The following CLUL1 variants were observed in gnomAD, a reference collection of about 807,000 sequenced individuals.
CLUL1 encodes the protein clusterin like 1, also known as clusterin-like protein 1.
CLUL1 carries 43 observed loss-of-function variants against 49.4 expected under a neutral mutation model. The ratio of observed to expected loss-of-function variants is 0.87; its 90% CI spans 0.68 to 1.12. CLUL1 has a LOEUF of 1.12. Among genes scored for constraint, CLUL1 ranks in the 50% most tolerant of loss-of-function variants. CLUL1 has a pLI of 0.00. For missense variants in CLUL1, 486 were observed against 544.4 expected (o/e 0.89, Z 1.07); for synonymous variants, 192 against 184.9 (o/e 1.04, Z -0.31).
chr18:629,366 A>C (rs1430471479), intron 6 of CLUL1, among the ~76,000 whole-genome samples: 1 of 152,224 alleles, frequency 6.6e-6, no homozygotes, highest in Non-Finnish European at 1.5e-5. Flanking sequence ...AACACTGAGA[A>C]TATGTTCATT....
chr18:607,601 A>T (rs1402778891), intron 2 of CLUL1, among the ~76,000 whole-genome samples: 2 of 151,606 alleles, frequency 1.3e-5, no homozygotes, highest in African/African-American at 2.4e-5. Flanking sequence ...ATTTTTTAAA[A>T]TTTTTTTGTA....
At chr18:615,065 CT>C (rs2073249985) in intron 2 of CLUL1, among the ~76,000 whole-genome samples, 1 of 152,212 alleles carries the variant, frequency 6.6e-6, no homozygotes, top group Non-Finnish European at 1.5e-5. Flanking sequence ...CTCTTGCCAT[CT>C]TTCTTAATTA....
chr18:637,490 T>C (rs2074180478), intron 7 of CLUL1, among the ~76,000 whole-genome samples: 1 of 152,200 alleles, frequency 6.6e-6, no homozygotes, highest in Non-Finnish European at 1.5e-5. Flanking sequence ...AATGGACTTG[T>C]TTACTTCTCC....
intron 2 of CLUL1, among the ~76,000 whole-genome samples, chr18:617,545 A>G (rs1325565093): frequency 6.8e-6 from 1 of 147,178 alleles, no homozygotes; most frequent in Non-Finnish European, 1.5e-5. Context: ...CGGTGGGCCG[A>G]GATCACGCCA....
intron 6 of CLUL1, 138 bp downstream of exon 6, chr18:627,667 C>T (rs1208195923): frequency 2.2e-5 from 14 of 637,612 alleles, no homozygotes; most frequent in Non-Finnish European, 3.5e-5. Context: ...TGTTTCAGAG[C>T]CTCTTAAAAG....
At chr18:607,657 G>A (rs935558373) in intron 2 of CLUL1, among the ~76,000 whole-genome samples, 1 of 151,636 alleles carries the variant, frequency 6.6e-6, no homozygotes, top group Non-Finnish European at 1.5e-5. Context: ...CAAACTCCTG[G>A]GCTCCAGTGA....
At chr18:616,722 A>C (rs2073303585) in intron 2 of CLUL1, 1 of 984,202 alleles carries the variant, frequency 1.0e-6, no homozygotes, top group South Asian at 4.7e-5. Context: ...GTCCTTCCAG[A>C]AGCTGGTGGC....
At chr18:624,783 A>G (rs495688) in intron 4 of CLUL1, 82 bp from the exon 5 acceptor site, 1,353,756 of 1,355,306 alleles carry the variant, frequency 1, 676,117 homozygotes, top group East Asian at 1. Flanking sequence ...TTTAGAATGT[A>G]TACATTTCAA....
chr18:608,479 TATTA>T (rs1022265237), intron 2 of CLUL1, among the ~76,000 whole-genome samples: 1 of 150,990 alleles, frequency 6.6e-6, no homozygotes, highest in Admixed American at 6.6e-5. Context: ...AGAAAAGTCA[TATTA>T]ATTCACAATT....
chr18:609,810 C>A (rs547963531), intron 2 of CLUL1, among the ~76,000 whole-genome samples: 3 of 114,910 alleles, frequency 2.6e-5, no homozygotes, highest in Non-Finnish European at 5.1e-5. Flanking sequence ...GGTGACAAAG[C>A]GAGACTCTGT....
At chr18:638,991 G>A (rs2074244532) in intron 7 of CLUL1, among the ~76,000 whole-genome samples, 1 of 152,100 alleles carries the variant, frequency 6.6e-6, no homozygotes, top group African/African-American at 2.4e-5. Flanking sequence ...TTTGAATTTA[G>A]TATTAATTAT....
Position 641,508 on chromosome 18 carries a change from C to T in CLUL1, c.1176C>T (p.Ala392=), listed in dbSNP as rs768869612. The T allele has an allele frequency of 6.2e-7, 1 of 1,614,028 alleles. No individual in the cohort carries two copies. The highest frequency in any genetic ancestry group is 1.1e-5 in the South Asian group (1 of 91,058). Residue 392 remains alanine (A), a synonymous_variant, in exon 8 of 10, where the codon GCC becomes GCT. Coordinates refer to ENST00000692774, the MANE Select transcript of CLUL1 (RefSeq NM_001393344.1). ...GGGTGTCTGAACTGGCAAACCAGGCCCCAGAAACAGAGATCATCTTTAATT... is the reference window on the plus strand; with the variant it reads ...GGGTGTCTGAACTGGCAAACCAGGCTCCAGAAACAGAGATCATCTTTAATT... ...FGWVSELANQ[A]PETEIIFNSI...
At chr18:635,800 G>A (rs1012499303) in intron 7 of CLUL1, among the ~76,000 whole-genome samples, 6 of 152,120 alleles carry the variant, frequency 3.9e-5, no homozygotes, top group African/African-American at 1.2e-4. Context: ...GCAGTGGCGC[G>A]ATCTTCGCTC....
At chr18:604,004 C>T (rs1191491668) in intron 1 of CLUL1, among the ~76,000 whole-genome samples, 1 of 152,190 alleles carries the variant, frequency 6.6e-6, no homozygotes, top group Non-Finnish European at 1.5e-5. Context: ...CCCCAGCCTC[C>T]TGAGTAGCTG....
intron 8 of CLUL1, among the ~76,000 whole-genome samples, chr18:642,256 C>A (rs1390225729): frequency 6.6e-6 from 1 of 152,010 alleles, no homozygotes; most frequent in Non-Finnish European, 1.5e-5. Context: ...TGTGGCGAAA[C>A]CCCGTCTCTA....
At chr18:645,810 AATATATATATATATATATATATATATAT>A (rs35329822) in intron 9 of CLUL1, among the ~76,000 whole-genome samples, 2 of 29,872 alleles carry the variant, frequency 6.7e-5, no homozygotes, top group Middle Eastern at 0.023. Flanking sequence ...AAAAAAAAAA[AATATATATATATATATATATATATATAT>A]ATATATATAT....
At chr18:640,653 T>C (rs545541136) in intron 7 of CLUL1, among the ~76,000 whole-genome samples, 1 of 152,344 alleles carries the variant, frequency 6.6e-6, no homozygotes, top group East Asian at 1.9e-4. Context: ...TCACAATTTA[T>C]TCATTCCCTA....
At chr18:633,537 T>G in intron 7 of CLUL1, 102 bp downstream of exon 7, 1 of 1,102,292 alleles carries the variant, frequency 9.1e-7, no homozygotes, top group Non-Finnish European at 1.3e-6. Flanking sequence ...GAATATAAAA[T>G]TTTCTTTTTA....
rs1019191981 is a variant in CLUL1 at position 596,999 on chromosome 18, C to A, written c.-266C>A. ...TGCAGGCCCCGCCCACCCTGCGTCA[C>A]CTGCAGGCCCGGGCCGCGGGGTTGG... is the stretch of plus-strand genomic sequence containing the variant. On this transcript the variant is annotated 5_prime_UTR_variant, in exon 1 of 10. Transcript: ENST00000692774. 6.6e-6 allele frequency: 1 copy of A among 152,412 alleles called. No homozygotes were observed. The highest frequency in any genetic ancestry group is 1.9e-4 in the East Asian group (1 of 5,148). The allele number at this position is 152,412 out of a possible 1,614,324, so 9.4% of individuals were successfully genotyped here.
Sources: gnomAD v4.1 joint callset for allele counts (sites outside exome capture counted in the v4.1 genomes callset) on GRCh38, gnomAD v4.1.1 for gene constraint, MANE v1.5 for transcripts, NCBI Gene and HGNC (gene_info 2026-07-23, HGNC 2026-07-21) for gene names.